Variants in CNTN1 observed in about 807,000 individuals in gnomAD.
The protein encoded by CNTN1 is contactin-1.
In CNTN1, 38 loss-of-function variants were observed where a neutral mutation model predicts 126.4. The observed-to-expected ratio is 0.30, with a 90% confidence interval of 0.23 to 0.39. CNTN1 has a LOEUF of 0.39. Among genes scored for constraint, CNTN1 ranks in the 10% least tolerant of loss-of-function variants. CNTN1 has a pLI of 1.00. For synonymous variants in CNTN1, 413 were observed against 422.6 expected (o/e 0.98, Z 0.28); for missense variants, 1,009 against 1,248.4 (o/e 0.81, Z 2.89).
chr12:40,959,587 T>TATATACTG lies in CNTN1; in HGVS notation c.1804+356_1804+363dup, dbSNP rs370724725. On this transcript the variant is annotated intron_variant, in intron 15 of 23. Coordinates refer to ENST00000551295, the MANE Select transcript of CNTN1 (RefSeq NM_001843.4). ...TCCTTTTTTATTTCTATGGAAAAGATATATACTGATGCTGTTTACTATAAC... is the reference window on the plus strand; with the variant it reads ...TCCTTTTTTATTTCTATGGAAAAGATATATACTGATATACTGATGCTGTTTACTATAAC... 2.4e-3 allele frequency among the ~76,000 whole-genome samples: 367 copies of TATATACTG among 152,242 alleles called. 1 individual carries two copies. The highest frequency in any genetic ancestry group is 8.5e-3 in the African/African-American group (354 of 41,576).
intron 1 of CNTN1, among the ~76,000 whole-genome samples, chr12:40,887,375 A>G (rs1339637870): frequency 1.3e-5 from 2 of 152,220 alleles, no homozygotes; most frequent in East Asian, 3.8e-4. Flanking sequence ...ACACTTCTCA[A>G]AAGAAGACAT....
chr12:40,766,430 G>C (rs949947799), intron 1 of CNTN1, among the ~76,000 whole-genome samples: 1 of 151,774 alleles, frequency 6.6e-6, no homozygotes, highest in African/African-American at 2.4e-5. Context: ...TGCTCTAAAG[G>C]CTCAGAGGCA....
At chr12:40,950,789 G>A (rs1480412244) in intron 14 of CNTN1, among the ~76,000 whole-genome samples, 2 of 152,014 alleles carry the variant, frequency 1.3e-5, no homozygotes, top group African/African-American at 4.8e-5. Context: ...TTTCAGTTGG[G>A]CTAGCTTCTT....
intron 1 of CNTN1, among the ~76,000 whole-genome samples, chr12:40,845,271 T>C (rs937084938): frequency 2.6e-5 from 4 of 152,186 alleles, no homozygotes; most frequent in African/African-American, 9.7e-5. Context: ...CTTTGTCATA[T>C]AGAAAATTGA....
rs201227342 is a variant in CNTN1, at chr12:41,040,630, G to A, written c.2980+11411G>A. Among the ~76,000 whole-genome samples, 33 of 152,044 alleles carry A rather than the reference G, an allele frequency of 2.2e-4. No individual in the cohort carries two copies. The East Asian group carries it at 3.5e-3, about 16-fold the overall frequency. ...AGTTCTCCTTGAAGAGGTCCTTCAC[G>A]TCCCTTGTAAGTTGGATTCCTAGGT... On this transcript the variant is annotated intron_variant, in intron 23 of 23. Coordinates refer to ENST00000551295, the MANE Select transcript of CNTN1 (RefSeq NM_001843.4).
chr12:41,044,258 A>G (rs1452552750), intron 23 of CNTN1, among the ~76,000 whole-genome samples: 1 of 152,084 alleles, frequency 6.6e-6, no homozygotes, highest in Non-Finnish European at 1.5e-5. Flanking sequence ...TTTTGGATTC[A>G]AGAAACAGAA....
At chr12:40,975,959 G>C (rs557130638) in intron 15 of CNTN1, among the ~76,000 whole-genome samples, 46 of 152,274 alleles carry the variant, frequency 3.0e-4, no homozygotes, top group African/African-American at 1.1e-3. Context: ...TGATATATGA[G>C]CGTAATAAAA....
At chr12:40,846,931 G>A (rs920596556) in intron 1 of CNTN1, among the ~76,000 whole-genome samples, 6 of 151,900 alleles carry the variant, frequency 3.9e-5, no homozygotes, top group African/African-American at 1.2e-4. Context: ...GCAGTGGTGC[G>A]ATCTCGGCTC....
At chr12:40,841,989 C>T (rs974820345) in intron 1 of CNTN1, among the ~76,000 whole-genome samples, 4 of 138,436 alleles carry the variant, frequency 2.9e-5, no homozygotes, top group Non-Finnish European at 6.5e-5. Context: ...TAAATTTATA[C>T]AAATTTTTTT....
chr12:40,888,493 C>G (rs953975908), intron 1 of CNTN1, among the ~76,000 whole-genome samples: 2 of 152,230 alleles, frequency 1.3e-5, no homozygotes, highest in East Asian at 3.9e-4. Context: ...ATAATTCAGT[C>G]TGTAATCATG....
chr12:40,936,992 A>G, intron 10 of CNTN1, 87 bp downstream of exon 10: 1 of 1,556,806 alleles, frequency 6.4e-7, no homozygotes, highest in Non-Finnish European at 8.8e-7. Flanking sequence ...AGCAGGAGAG[A>G]CAATACAGAA....
chr12:40,959,367 T>G (rs1947022387), intron 15 of CNTN1, 133 bp downstream of exon 15: 2 of 954,340 alleles, frequency 2.1e-6, no homozygotes, highest in African/African-American at 1.6e-5. Context: ...GAATGGATCT[T>G]AAGCTTCTTC....
chr12:40,733,009 A>G (rs913539964), intron 1 of CNTN1, among the ~76,000 whole-genome samples: 7 of 152,002 alleles, frequency 4.6e-5, no homozygotes, highest in African/African-American at 1.7e-4. Context: ...CACCTAATGG[A>G]TATGATAATC....
At chr12:41,056,749 C>A (rs570049054) in intron 23 of CNTN1, among the ~76,000 whole-genome samples, 1 of 151,180 alleles carries the variant, frequency 6.6e-6, no homozygotes, top group Non-Finnish European at 1.5e-5. Flanking sequence ...AGACTCCATC[C>A]GTACAAGTGG....
chr12:40,871,353 T>C (rs549098414), intron 1 of CNTN1, among the ~76,000 whole-genome samples: 2 of 152,242 alleles, frequency 1.3e-5, no homozygotes, highest in Admixed American at 6.5e-5. Context: ...ATTGTATGAC[T>C]CTAGGGAGAG....
chr12:40,991,550 C>T (rs573812318), intron 16 of CNTN1, among the ~76,000 whole-genome samples: 2 of 152,272 alleles, frequency 1.3e-5, no homozygotes, highest in South Asian at 2.1e-4. Context: ...GCTACCTTGG[C>T]CGGGTATGGT....
chr12:40,802,037 C>A (rs1940677785), intron 1 of CNTN1, among the ~76,000 whole-genome samples: 1 of 151,536 alleles, frequency 6.6e-6, no homozygotes. Context: ...AGGCATCAAA[C>A]ATGAGCAGAT....
intron 4 of CNTN1, 79 bp downstream of exon 4, chr12:40,918,850 T>C (rs976333147): frequency 7.2e-6 from 11 of 1,528,000 alleles, no homozygotes; most frequent in African/African-American, 6.8e-5. Flanking sequence ...CTTGTACAGA[T>C]GTAATATAGT....
At chr12:40,849,616 T>G (rs573654594) in intron 1 of CNTN1, among the ~76,000 whole-genome samples, 2 of 152,210 alleles carry the variant, frequency 1.3e-5, no homozygotes, top group African/African-American at 4.8e-5. Context: ...TCTCAAACTA[T>G]CTGAAGAATT....
Sources: allele counts gnomAD v4.1 joint callset (sites outside exome capture counted in the v4.1 genomes callset), GRCh38; gene constraint gnomAD v4.1.1; transcripts MANE v1.5; gene names NCBI Gene and HGNC (gene_info 2026-07-23, HGNC 2026-07-21).